CIB2: variants seen among roughly 807,000 people sequenced by gnomAD.
The protein encoded by CIB2 is calcium and integrin binding family member 2.
Under a neutral mutation model 23.1 loss-of-function variants are expected in CIB2, and 19 were observed. The observed-to-expected ratio is 0.82, with a 90% confidence interval of 0.57 to 1.21. The LOEUF is 1.21. Ranked by LOEUF, CIB2 falls within the 50% of genes most tolerant of loss-of-function variation. The pLI, the probability that CIB2 is intolerant of heterozygous loss-of-function variation, is 0.00. For missense variants in CIB2, 220 were observed against 241.5 expected (o/e 0.91, Z 0.59); for synonymous variants, 94 against 91.7 (o/e 1.03, Z -0.14).
At chr15:78,113,378 T>G (rs1276963214) in intron 2 of CIB2, among the ~76,000 whole-genome samples, 4 of 151,984 alleles carry the variant, frequency 2.6e-5, no homozygotes, top group African/African-American at 9.7e-5. Context: ...GCCAGGGCGG[T>G]GGGATCAAGC....
intron 5 of CIB2, 149 bp downstream of exon 5, chr15:78,105,590 C>A (rs1040015478): frequency 7.9e-6 from 12 of 1,514,036 alleles, no homozygotes; most frequent in Middle Eastern, 1.9e-4. Context: ...GCCAGTCACA[C>A]GTCTAGGGCA....
At chr15:78,108,494 C>T (rs1338052855) in intron 4 of CIB2, among the ~76,000 whole-genome samples, 1 of 152,116 alleles carries the variant, frequency 6.6e-6, no homozygotes, top group Admixed American at 6.5e-5. Context: ...AGCATGAGTC[C>T]TTGGCTCATG....
chr15:78,118,184 T>TTA (rs1241160598), intron 2 of CIB2, among the ~76,000 whole-genome samples: 1 of 152,186 alleles, frequency 6.6e-6, no homozygotes, highest in Non-Finnish European at 1.5e-5. Flanking sequence ...TTGTATATAT[T>TTA]TATATACTCA....
At chr15:78,108,502 A>T (rs2074104305) in intron 4 of CIB2, among the ~76,000 whole-genome samples, 1 of 152,166 alleles carries the variant, frequency 6.6e-6, no homozygotes, top group Admixed American at 6.5e-5. Context: ...TCCTTGGCTC[A>T]TGAGTGCCCG....
intron 2 of CIB2, chr15:78,120,479 T>G (rs573773659): frequency 9.9e-6 from 9 of 913,354 alleles, no homozygotes; most frequent in Middle Eastern, 1.1e-3. Flanking sequence ...GGCCTCTCTG[T>G]GTACCAAGGG....
chr15:78,114,198 A>G (rs1231873796), intron 2 of CIB2, among the ~76,000 whole-genome samples: 1 of 152,174 alleles, frequency 6.6e-6, no homozygotes, highest in Non-Finnish European at 1.5e-5. Flanking sequence ...TGGACTAGGG[A>G]GAGAGGCTAT....
intron 3 of CIB2, chr15:78,110,804 T>C: frequency 2.1e-6 from 1 of 465,256 alleles, no homozygotes. Flanking sequence ...ATGACCACCA[T>C]GCTGACCTCA....
chr15:78,109,476 G>C (rs2074123080), intron 3 of CIB2, 94 bp from the exon 4 acceptor site: 1 of 1,425,440 alleles, frequency 7.0e-7, no homozygotes, highest in African/African-American at 1.4e-5. Flanking sequence ...CCCTGGAGGA[G>C]TGACCAAATC....
chr15:78,128,385 T>C (rs2141921219), intron 1 of CIB2, among the ~76,000 whole-genome samples: 1 of 152,144 alleles, frequency 6.6e-6, no homozygotes, highest in African/African-American at 2.4e-5. Context: ...GAGTAAGAAA[T>C]GAGGCTGGAG....
chr15:78,126,500 G>A lies in CIB2; in HGVS notation c.52-2761C>T, dbSNP rs1157466586. Among the ~76,000 whole-genome samples, 4 of 152,168 alleles carry A rather than the reference G, an allele frequency of 2.6e-5. No individual in the cohort carries two copies. In the East Asian group the frequency reaches 5.8e-4, roughly 22 times the overall value. Reference sequence around the variant, plus strand: ...TGGGGCCCTCACTGGCAAGGAAGCAGAGGCAAGAAAAGATCCTCTGTGCTT... The same window carrying A: ...TGGGGCCCTCACTGGCAAGGAAGCAAAGGCAAGAAAAGATCCTCTGTGCTT... On this transcript the variant is annotated intron_variant, in intron 1 of 5. Transcript: ENST00000258930.
At chr15:78,118,832 C>G (rs2074278016) in intron 2 of CIB2, among the ~76,000 whole-genome samples, 1 of 152,050 alleles carries the variant, frequency 6.6e-6, no homozygotes, top group African/African-American at 2.4e-5. Context: ...AATAAGTTCC[C>G]ATTCCCCCTC....
intron 1 of CIB2, among the ~76,000 whole-genome samples, chr15:78,124,471 G>A (rs2074357983): frequency 6.6e-6 from 1 of 152,054 alleles, no homozygotes; most frequent in South Asian, 2.1e-4. Context: ...ATCTCGGAGG[G>A]GTCCTGTCTT....
chr15:78,123,579 G>A (rs1485616765), intron 2 of CIB2, 126 bp downstream of exon 2: 3 of 966,262 alleles, frequency 3.1e-6, no homozygotes, highest in Middle Eastern at 2.9e-4. Context: ...GGACCTGAAT[G>A]TGGCTCCTGA....
intron 1 of CIB2, among the ~76,000 whole-genome samples, chr15:78,126,982 C>T (rs1404077414): frequency 6.6e-6 from 1 of 152,178 alleles, no homozygotes; most frequent in East Asian, 1.9e-4. Context: ...AAATTCTAGT[C>T]TAGCTTCAGA....
In CIB2 at chr15:78,131,234, G is replaced by C; in HGVS notation, c.-19C>G. 1 of 1,489,180 alleles carries C rather than the reference G, an allele frequency of 6.7e-7. No individual in the cohort carries two copies. Among genetic ancestry groups the C allele is most frequent in the Non-Finnish European group, 9.0e-7 (1 of 1,115,576 alleles). 92.2% of individuals were successfully genotyped at this position (1,489,180 alleles called of 1,614,324 possible). On this transcript the variant is annotated 5_prime_UTR_variant, in exon 1 of 6. Coordinates refer to ENST00000258930, the MANE Select transcript of CIB2 (RefSeq NM_006383.4). The surrounding 1 kb of genome is among the most constrained non-coding windows in gnomAD (Gnocchi z 5.8). ...TCCCCATGGTGGCCGCCGCGCCGCC[G>C]CTCGCCCGCCCGGGCTCCGACTCCC... is the stretch of plus-strand genomic sequence containing the variant.
intron 1 of CIB2, among the ~76,000 whole-genome samples, chr15:78,129,476 T>G (rs1187988615): frequency 1.3e-5 from 2 of 151,876 alleles, no homozygotes; most frequent in African/African-American, 4.8e-5. Context: ...CAAGCCTTTA[T>G]CCACGCTGTC....
Position 78,104,796 on chromosome 15 carries a change from C to G in CIB2, c.*515G>C. 6.1e-6 allele frequency: 1 copy of G among 164,490 alleles called. No individual in the cohort carries two copies. The highest frequency in any genetic ancestry group is 3.2e-3 in the Middle Eastern group (1 of 310). The allele number at this position is 164,490 out of a possible 1,614,324, so 10.2% of individuals were successfully genotyped here. Reference sequence around the variant, plus strand: ...CAAGAGCCCTTGGGCCCACTGCACCCACAGCTTCACATTGTGAAGGAGGCC... The same window carrying G: ...CAAGAGCCCTTGGGCCCACTGCACCGACAGCTTCACATTGTGAAGGAGGCC... On this transcript the variant is annotated 3_prime_UTR_variant, in exon 6 of 6. Transcript: ENST00000258930. This position sits in a 1 kb window ranked among gnomAD's most constrained non-coding sequence, Gnocchi z 4.4.
Position 78,123,545 on chromosome 15 carries a change from C to T in CIB2, c.86+160G>A, listed in dbSNP as rs186019300. Among the ~76,000 whole-genome samples the T allele has an allele frequency of 2.6e-5, 4 of 152,298 alleles. No homozygotes were observed. In the East Asian group the frequency reaches 5.8e-4, roughly 22 times the overall value. ...TGGGAGGAGTGGGAAGCTCTAACTC[C>T]ATCCTAGCCCAGTGGCCGAGTGGGG... On this transcript the variant is annotated intron_variant, in intron 2 of 5. Coordinates refer to ENST00000258930, the MANE Select transcript of CIB2 (RefSeq NM_006383.4).
intron 2 of CIB2, among the ~76,000 whole-genome samples, chr15:78,122,408 G>A (rs1007985490): frequency 2.6e-5 from 4 of 152,162 alleles, no homozygotes; most frequent in African/African-American, 7.2e-5. Flanking sequence ...TAGGGAACCC[G>A]AAGCTCCCTG....
Sources: gnomAD v4.1 joint callset for allele counts (sites outside exome capture counted in the v4.1 genomes callset) on GRCh38, gnomAD v4.1.1 for gene constraint, Gnocchi (gnomAD v3.1) non-coding constraint, MANE v1.5 for transcripts, NCBI Gene and HGNC (gene_info 2026-07-23, HGNC 2026-07-21) for gene names.